Variants in SSUH2 observed in about 807,000 individuals in gnomAD.
SSUH2 encodes protein SSUH2 homolog.
A neutral mutation model predicts 55.3 loss-of-function variants in SSUH2; 47 were observed. The ratio of observed to expected loss-of-function variants is 0.85; its 90% confidence interval spans 0.67 to 1.08. The LOEUF is 1.08. Ranked by LOEUF, SSUH2 falls within the 50% of genes least tolerant of loss-of-function variation. SSUH2 has a pLI of 0.00. For missense variants in SSUH2, 535 were observed against 490.7 expected, an observed-to-expected ratio of 1.09 and a Z score of -0.85; for synonymous variants, 212 against 191.5, an observed-to-expected ratio of 1.11 and a Z score of -0.89.
At chr3:8,650,632 G>A (rs1702288190) in intron 7 of SSUH2, among the ~76,000 whole-genome samples, 1 of 152,204 alleles carries the variant, frequency 6.6e-6, no homozygotes. Context: ...CAGGGATCCA[G>A]TCTGAGTGCC....
At chr3:8,667,810 A>T (rs1704125655) in intron 5 of SSUH2, among the ~76,000 whole-genome samples, 1 of 152,188 alleles carries the variant, frequency 6.6e-6, no homozygotes, top group African/African-American at 2.4e-5. Flanking sequence ...CACATAAAAG[A>T]CAGCACTTTG....
At chr3:8,647,021 T>C (rs1052126251), upstream of SSUH2, among the ~76,000 whole-genome samples, 11 of 152,182 alleles carry the variant, frequency 7.2e-5, no homozygotes, top group African/African-American at 2.7e-4. Flanking sequence ...AAGAACCTTG[T>C]TTTTTCCTGG....
At chr3:8,658,871 TAATA>T (rs1424630371) in intron 7 of SSUH2, 1 of 151,958 alleles carries the variant, frequency 6.6e-6, no homozygotes, top group Non-Finnish European at 1.5e-5. Context: ...AAACAAAACA[TAATA>T]AAGGCTATAG....
intron 3 of SSUH2, 49 bp downstream of exon 3, chr3:8,635,251 T>C (rs1189954585): frequency 2.1e-6 from 3 of 1,457,294 alleles, no homozygotes; most frequent in Admixed American, 2.0e-5. Flanking sequence ...CAAGGGGCAA[T>C]AGTGACATAG....
At chr3:8,628,363 C>T (rs1029233690) in intron 7 of SSUH2, among the ~76,000 whole-genome samples, 11 of 152,122 alleles carry the variant, frequency 7.2e-5, no homozygotes, top group East Asian at 1.9e-4. Flanking sequence ...CCAAAGAACG[C>T]GAGAAGTTTG....
intron 6 of SSUH2, chr3:8,663,709 G>C (rs559361952): frequency 2.8e-5 from 12 of 421,850 alleles, no homozygotes; most frequent in African/African-American, 2.3e-4. Context: ...CCCATCCAAA[G>C]CTATTGGGAC....
chr3:8,653,484 G>C (rs1702635597), intron 7 of SSUH2, among the ~76,000 whole-genome samples: 1 of 152,096 alleles, frequency 6.6e-6, no homozygotes, highest in African/African-American at 2.4e-5. Flanking sequence ...CATCCTTTTT[G>C]TTAAGAAGAA....
chr3:8,634,390 C>A, intron 3 of SSUH2: 2 of 1,285,562 alleles, frequency 1.6e-6, no homozygotes, highest in South Asian at 2.5e-5. Context: ...GCCATGCCAC[C>A]CCCTTACTGA....
At chr3:8,637,835 TG>T (rs1700166843) in intron 1 of SSUH2, among the ~76,000 whole-genome samples, 1 of 104,002 alleles carries the variant, frequency 9.6e-6, no homozygotes, top group African/African-American at 1.1e-4. Flanking sequence ...TCCTAGAGCT[TG>T]TTTGTTTGTT....
At chr3:8,639,845 CA>C in intron 1 of SSUH2, 2 of 509,700 alleles carry the variant, frequency 3.9e-6, no homozygotes, top group Non-Finnish European at 5.1e-6. Context: ...CCCTTTTGGA[CA>C]GGGGCCCCTG....
intron 6 of SSUH2, among the ~76,000 whole-genome samples, chr3:8,662,448 C>T (rs530408676): frequency 2.0e-5 from 3 of 152,314 alleles, no homozygotes; most frequent in South Asian, 2.1e-4. Flanking sequence ...CTACTCACCC[C>T]ACCTGTGAAG....
At chr3:8,659,691 TC>T in intron 6 of SSUH2, 2 of 443,736 alleles carry the variant, frequency 4.5e-6, no homozygotes, top group Non-Finnish European at 9.1e-6. Context: ...GATCCAGTAT[TC>T]ATCCATCTAC....
intron 2 of SSUH2, among the ~76,000 whole-genome samples, chr3:8,678,451 C>T (rs545765200): frequency 1.3e-5 from 2 of 151,970 alleles, no homozygotes; most frequent in Non-Finnish European, 2.9e-5. Context: ...ATCCTCTCCG[C>T]CTCTATCCCC....
intron 5 of SSUH2, among the ~76,000 whole-genome samples, chr3:8,664,992 C>T (rs190276904): frequency 1.2e-4 from 18 of 152,310 alleles, no homozygotes; most frequent in Admixed American, 2.6e-4. Context: ...TTAAAAATGC[C>T]TTCCTTAAGA....
chr3:8,678,476 A>AC (rs1399475229), intron 2 of SSUH2, among the ~76,000 whole-genome samples: 1 of 143,492 alleles, frequency 7.0e-6, no homozygotes, highest in East Asian at 2.0e-4. Context: ...GGCTCTTAGG[A>AC]CCCCCATTGC....
chr3:8,670,125 G>C (rs1575368972), intron 5 of SSUH2, among the ~76,000 whole-genome samples: 1 of 152,094 alleles, frequency 6.6e-6, no homozygotes, highest in African/African-American at 2.4e-5. Context: ...GTGAAGACTC[G>C]GAAGAAACCC....
rs561353908 is a variant in SSUH2 at position 8,639,453 on chromosome 3, G to A, written c.29-3596C>T. On this transcript the variant is annotated intron_variant, in intron 1 of 11. Coordinates refer to ENST00000544814, the MANE Select transcript of SSUH2 (RefSeq NM_001256748.3). ...AGATAGAAATAGCACTTAGAGCTCA[G>A]ATCCTGTCTCCAAGCCCAGTGACCT... Among the ~76,000 whole-genome samples the A allele has an allele frequency of 3.3e-5, 5 of 152,354 alleles. No homozygotes were observed. In the East Asian group the frequency reaches 7.7e-4, roughly 24 times the overall value.
At chr3:8,624,449 A>G (rs1021038934) in intron 10 of SSUH2, among the ~76,000 whole-genome samples, 1 of 152,180 alleles carries the variant, frequency 6.6e-6, no homozygotes, top group Non-Finnish European at 1.5e-5. Flanking sequence ...AGTGGGGTGC[A>G]GGGCTTCTGG....
intron 7 of SSUH2, among the ~76,000 whole-genome samples, chr3:8,628,961 G>A: frequency 6.6e-6 from 1 of 152,318 alleles, no homozygotes; most frequent in East Asian, 1.9e-4. Context: ...GTTCACGCCT[G>A]TCTCCTGCCT....
Sources: gnomAD v4.1 joint callset for allele counts (sites outside exome capture counted in the v4.1 genomes callset) on GRCh38, gnomAD v4.1.1 for gene constraint, MANE v1.5 for transcripts, NCBI Gene and HGNC (gene_info 2026-07-23, HGNC 2026-07-21) for gene names.